Variants in FCHSD2 observed in about 807,000 individuals in gnomAD.
FCHSD2 encodes the protein F-BAR and double SH3 domains protein 2.
Under a neutral mutation model 108.1 loss-of-function variants are expected in FCHSD2, and 38 were observed. The observed-to-expected ratio is 0.35, with a 90% confidence interval of 0.27 to 0.46. The LOEUF is 0.46. FCHSD2 is among the 20% of genes least tolerant of loss of function. FCHSD2 has a pLI of 1.00. For missense variants in FCHSD2, 751 were observed against 897.8 expected (o/e 0.84, Z 2.09); for synonymous variants, 279 against 314.7 (o/e 0.89, Z 1.20).
At chr11:72,931,273 T>TG in intron 8 of FCHSD2, among the ~76,000 whole-genome samples, 1 of 143,110 alleles carries the variant, frequency 7.0e-6, no homozygotes, top group Non-Finnish European at 1.5e-5. Flanking sequence ...TTTTGTGGGT[T>TG]TTTTTTTTTT....
At chr11:72,868,369 A>G (rs1854776843) in intron 12 of FCHSD2, among the ~76,000 whole-genome samples, 1 of 152,064 alleles carries the variant, frequency 6.6e-6, no homozygotes, top group African/African-American at 2.4e-5. Context: ...ATGGGTGGGG[A>G]AGGAGAGCAT....
At chr11:72,970,795 A>G (rs922657157) in intron 8 of FCHSD2, among the ~76,000 whole-genome samples, 2 of 152,146 alleles carry the variant, frequency 1.3e-5, no homozygotes, top group African/African-American at 2.4e-5. Flanking sequence ...ATTTAACACC[A>G]ATTTTGGGGT....
At chr11:72,988,139 G>T (rs997905181) in intron 6 of FCHSD2, among the ~76,000 whole-genome samples, 1 of 152,114 alleles carries the variant, frequency 6.6e-6, no homozygotes, top group Non-Finnish European at 1.5e-5. Context: ...TGTTTGTACA[G>T]GTGTTCAAAG....
chr11:72,838,547 T>G lies in FCHSD2; in HGVS notation c.*244A>C. Reference sequence around the variant, plus strand: ...GCATGAGGGCTGCCCCCCTCTTTGCTCCTAGGGTCCGCTAGGATTTGTGCT... The same window carrying G: ...GCATGAGGGCTGCCCCCCTCTTTGCGCCTAGGGTCCGCTAGGATTTGTGCT... On this transcript the variant is annotated 3_prime_UTR_variant, in exon 20 of 20. Coordinates refer to ENST00000409418, the MANE Select transcript of FCHSD2 (RefSeq NM_014824.3). The G allele has an allele frequency of 1.8e-6, 1 of 544,960 alleles. No homozygotes were observed. The highest frequency in any genetic ancestry group is 3.1e-5 in the Admixed American group (1 of 32,198). The allele number at this position is 544,960 out of a possible 1,614,324, so 33.8% of individuals were successfully genotyped here.
intron 3 of FCHSD2, among the ~76,000 whole-genome samples, chr11:73,026,786 T>TGTTCTCATGACAGCAAGTGA (rs1395480125): frequency 6.6e-6 from 1 of 152,198 alleles, no homozygotes; most frequent in East Asian, 1.9e-4. Context: ...TTCCCCATGC[T>TGTTCTCATGACAGCAAGTGA]GTTCTCATGA....
chr11:72,916,488 A>T (rs1017425395), intron 9 of FCHSD2, among the ~76,000 whole-genome samples: 63 of 151,966 alleles, frequency 4.1e-4, no homozygotes, highest in African/African-American at 1.4e-3. Flanking sequence ...AATTTAAAAA[A>T]TTTTTTTGTA....
chr11:73,096,755 C>T (rs1233688752), intron 2 of FCHSD2, among the ~76,000 whole-genome samples: 1 of 151,386 alleles, frequency 6.6e-6, no homozygotes, highest in Non-Finnish European at 1.5e-5. Flanking sequence ...ATGTTAAGGA[C>T]GTTTCCATGT....
chr11:73,115,558 G>A (rs1193034742), intron 2 of FCHSD2, among the ~76,000 whole-genome samples: 3 of 152,198 alleles, frequency 2.0e-5, no homozygotes, highest in African/African-American at 7.2e-5. Flanking sequence ...CATGCATCAA[G>A]GTTCTTCAGA....
intron 8 of FCHSD2, among the ~76,000 whole-genome samples, chr11:72,953,034 C>T (rs1045376753): frequency 2.6e-5 from 4 of 151,912 alleles, no homozygotes; most frequent in Admixed American, 2.6e-4. Flanking sequence ...ACTGAAAGTG[C>T]AAAGAATAAG....
At chr11:73,128,981 C>T (rs1289614790) in intron 2 of FCHSD2, among the ~76,000 whole-genome samples, 1 of 152,156 alleles carries the variant, frequency 6.6e-6, no homozygotes, top group African/African-American at 2.4e-5. Flanking sequence ...AAGCGATTCT[C>T]CTGCCTTAGC....
At position 72,867,973 on chromosome 11, in the gene FCHSD2, A is replaced by G; in HGVS notation, c.1200T>C (p.Val400=). 6.3e-7 allele frequency: 1 copy of G among 1,587,532 alleles called. No homozygotes were observed. Among genetic ancestry groups the G allele is most frequent in the Non-Finnish European group, 8.6e-7 (1 of 1,166,416 alleles). Residue 400 remains valine (V), a synonymous_variant, in exon 13 of 20, where the codon GTT becomes GTC. Transcript: ENST00000409418. ...ARLDLLKQIG[V]SVDTWLKSAM... ...CACTCTTTAGCCATGTGTCCACAGA[A>G]ACACCAATCTGCTTTAGCAGGTCCA... is the stretch of plus-strand genomic sequence containing the variant.
intron 14 of FCHSD2, chr11:72,843,769 T>C: frequency 2.0e-6 from 1 of 503,852 alleles, no homozygotes; most frequent in African/African-American, 1.9e-5. Context: ...GGCAATGACG[T>C]TCAATGAACA....
intron 2 of FCHSD2, among the ~76,000 whole-genome samples, chr11:73,102,710 G>C (rs1860253039): frequency 3.3e-5 from 5 of 152,004 alleles, no homozygotes; most frequent in Non-Finnish European, 2.9e-5. Flanking sequence ...CTCTCTTTTT[G>C]CCCTTCTACC....
At chr11:73,111,770 T>C (rs1486053021) in intron 2 of FCHSD2, among the ~76,000 whole-genome samples, 1 of 152,138 alleles carries the variant, frequency 6.6e-6, no homozygotes, top group Non-Finnish European at 1.5e-5. Context: ...ATATGATTTT[T>C]GATTTGAGGT....
chr11:72,917,074 T>A (rs1213727368), intron 9 of FCHSD2, among the ~76,000 whole-genome samples: 3 of 151,574 alleles, frequency 2.0e-5, no homozygotes, highest in African/African-American at 7.3e-5. Flanking sequence ...AACCTCCACC[T>A]TTCGGGTTCA....
chr11:73,049,585 G>C (rs988721012), intron 3 of FCHSD2, among the ~76,000 whole-genome samples: 1 of 150,428 alleles, frequency 6.6e-6, no homozygotes, highest in Non-Finnish European at 1.5e-5. Flanking sequence ...CCTAATGCTA[G>C]ATGACACGTT....
chr11:72,956,135 C>T (rs566393403), intron 8 of FCHSD2, among the ~76,000 whole-genome samples: 2 of 151,826 alleles, frequency 1.3e-5, no homozygotes, highest in Non-Finnish European at 2.9e-5. Context: ...GCAATTTGAG[C>T]GTAAAAATAA....
rs189643707 is a variant in FCHSD2 at position 72,985,136 on chromosome 11, G to T, written c.522-20C>A. 7 of 792,634 alleles carry T rather than the reference G, an allele frequency of 8.8e-6. No homozygotes were observed. The Admixed American group carries it at 1.9e-4, about 21-fold the overall frequency. The allele number at this position is 792,634 out of a possible 1,614,324, so 49.1% of individuals were successfully genotyped here. ...TTAGATCTATAATAAAAATAGAAAA[G>T]TATGTTTAATAAAATCATCTAATTA... On this transcript the variant is annotated intron_variant, in intron 6 of 19. Coordinates refer to ENST00000409418, the MANE Select transcript of FCHSD2 (RefSeq NM_014824.3).
At chr11:72,839,352 G>A (rs1246630854) in intron 19 of FCHSD2, among the ~76,000 whole-genome samples, 2 of 152,204 alleles carry the variant, frequency 1.3e-5, no homozygotes, top group Non-Finnish European at 2.9e-5. Context: ...CAAAAGAGGA[G>A]TTTTTGGTGG....
Sources: allele counts gnomAD v4.1 joint callset (sites outside exome capture counted in the v4.1 genomes callset), GRCh38; gene constraint gnomAD v4.1.1; transcripts MANE v1.5; gene names NCBI Gene and HGNC (gene_info 2026-07-23, HGNC 2026-07-21).